SPECC1L: variants seen among roughly 807,000 people sequenced by gnomAD.
SPECC1L encodes cytospin-A.
In SPECC1L, 40 loss-of-function variants were observed where a neutral mutation model predicts 116.8. That is an observed-to-expected ratio of 0.34 (90% CI 0.27 to 0.45). The LOEUF (loss-of-function observed/expected upper bound fraction) is 0.45, where lower values mean the gene tolerates loss of function less well. Among genes scored for constraint, SPECC1L ranks in the 20% least tolerant of loss-of-function variants. The probability of loss-of-function intolerance (pLI) is 1.00; values close to 1 mark genes in which losing one functional copy is unlikely to be tolerated. For missense variants in SPECC1L, 1,110 were observed against 1,373.6 expected (o/e 0.81, Z 3.03); for synonymous variants, 504 against 500.6 (o/e 1.01, Z -0.09).
chr22:24,389,512 T>G (rs1428971905), intron 14 of SPECC1L, among the ~76,000 whole-genome samples: 1 of 151,542 alleles, frequency 6.6e-6, no homozygotes, highest in African/African-American at 2.4e-5. Context: ...TTGTGGGGGC[T>G]TTCGGGTTTT....
At chr22:24,381,260 AT>A (rs1233836253) in intron 14 of SPECC1L, among the ~76,000 whole-genome samples, 2 of 152,184 alleles carry the variant, frequency 1.3e-5, no homozygotes, top group African/African-American at 4.8e-5. Flanking sequence ...TGAATGAAAA[AT>A]CTCAATGTTT....
chr22:24,275,210 CAGAA>C (rs1398006371), intron 1 of SPECC1L, among the ~76,000 whole-genome samples: 3 of 152,258 alleles, frequency 2.0e-5, no homozygotes, highest in African/African-American at 7.2e-5. Context: ...TGTGGCTTGA[CAGAA>C]AGTTGTTGAC....
chr22:24,306,392 T>TTTTTTTTTTTTTTTTTTTTTTTTTG (rs2049497836), intron 3 of SPECC1L, among the ~76,000 whole-genome samples: 1 of 152,096 alleles, frequency 6.6e-6, no homozygotes, highest in African/African-American at 2.4e-5. Flanking sequence ...TTAATTTTTT[T>TTTTTTTTTTTTTTTTTTTTTTTTTG]AAGAGATGGA....
intron 2 of SPECC1L, among the ~76,000 whole-genome samples, chr22:24,299,858 A>G (rs1044328384): frequency 2.6e-5 from 4 of 151,822 alleles, no homozygotes; most frequent in Admixed American, 2.6e-4. Context: ...ACAAAAAGAA[A>G]CCCTGTATCC....
At chr22:24,357,866 C>G (rs75428147) in intron 11 of SPECC1L, among the ~76,000 whole-genome samples, 3,705 of 152,290 alleles carry the variant, frequency 0.024, 51 homozygotes, top group Middle Eastern at 0.037. Flanking sequence ...TACCCTCTTA[C>G]AATGCTTTCA....
At chr22:24,398,643 G>C (rs1248171366) in intron 14 of SPECC1L, among the ~76,000 whole-genome samples, 2 of 152,154 alleles carry the variant, frequency 1.3e-5, no homozygotes, top group Non-Finnish European at 2.9e-5. Flanking sequence ...GTCATGGCTG[G>C]TGACACCACT....
At chr22:24,375,905 A>G (rs1001089316) in intron 14 of SPECC1L, among the ~76,000 whole-genome samples, 1 of 152,076 alleles carries the variant, frequency 6.6e-6, no homozygotes, top group Non-Finnish European at 1.5e-5. Context: ...AGCTGATAAC[A>G]CACCACTGCA....
At chr22:24,367,383 G>T (rs1460949122) in intron 13 of SPECC1L, among the ~76,000 whole-genome samples, 1 of 152,004 alleles carries the variant, frequency 6.6e-6, no homozygotes. Context: ...TTTGAATGCG[G>T]CCCAACACAA....
Position 24,322,493 on chromosome 22 carries a change from G to T in SPECC1L, c.1513G>T (p.Glu505Ter). The T allele has an allele frequency of 1.2e-6, 2 of 1,614,110 alleles. No homozygotes were observed. The highest frequency in any genetic ancestry group is 1.1e-5 in the South Asian group (1 of 91,024). Reference protein sequence around the residue: ...YMDLAENARFEREQLLGVQQH... With the variant: ...YMDLAENARF ...GGACCTCGCTGAGAATGCCCGTTTTGAACGGGAGCAGCTTCTTGGTGTCCA... is the reference window on the plus strand; with the variant it reads ...GGACCTCGCTGAGAATGCCCGTTTTTAACGGGAGCAGCTTCTTGGTGTCCA... Residue 505 changes from glutamate (E) to a stop codon, truncating the protein, a stop_gained, in exon 5 of 17, where the codon GAA becomes TAA. Transcript: ENST00000314328. LOFTEE classifies it high-confidence loss of function.
chr22:24,281,799 G>T (rs1218858316), intron 2 of SPECC1L, among the ~76,000 whole-genome samples: 1 of 152,104 alleles, frequency 6.6e-6, no homozygotes, highest in Non-Finnish European at 1.5e-5. Context: ...TACTGCACTG[G>T]CTAGAACTTC....
At chr22:24,292,098 G>C (rs1391119956) in intron 2 of SPECC1L, among the ~76,000 whole-genome samples, 1 of 152,124 alleles carries the variant, frequency 6.6e-6, no homozygotes, top group African/African-American at 2.4e-5. Flanking sequence ...TGCCAAGAGG[G>C]GTTCCCGTCC....
chr22:24,290,263 T>A (rs756451077), intron 2 of SPECC1L, among the ~76,000 whole-genome samples: 13 of 152,186 alleles, frequency 8.5e-5, no homozygotes, highest in Non-Finnish European at 1.9e-4. Context: ...TGAGGCTGTT[T>A]AAGGGGGAGT....
At chr22:24,273,330 A>G (rs903679352) in intron 1 of SPECC1L, among the ~76,000 whole-genome samples, 10 of 152,248 alleles carry the variant, frequency 6.6e-5, no homozygotes, top group Non-Finnish European at 1.2e-4. Flanking sequence ...GAACAGAAAT[A>G]AGAAAAAAAG....
intron 2 of SPECC1L, among the ~76,000 whole-genome samples, chr22:24,297,500 T>A (rs1469703833): frequency 6.6e-6 from 1 of 152,168 alleles, no homozygotes; most frequent in Non-Finnish European, 1.5e-5. Flanking sequence ...GAGAGCGAGA[T>A]GTTTATATAT....
At chr22:24,343,050 C>T (rs2041211696) in intron 10 of SPECC1L, among the ~76,000 whole-genome samples, 1 of 151,994 alleles carries the variant, frequency 6.6e-6, no homozygotes, top group South Asian at 2.1e-4. Context: ...AAAAATTAGA[C>T]AGGCATGGTG....
At chr22:24,330,180 A>G (rs2040911217) in intron 7 of SPECC1L, 76 bp from the exon 8 acceptor site, 1 of 1,493,020 alleles carries the variant, frequency 6.7e-7, no homozygotes. Flanking sequence ...CAATCCAATC[A>G]TAAACAAATT....
At chr22:24,388,602 G>A (rs2042207046) in intron 14 of SPECC1L, among the ~76,000 whole-genome samples, 1 of 152,134 alleles carries the variant, frequency 6.6e-6, no homozygotes, top group Admixed American at 6.6e-5. Context: ...TATATATCCA[G>A]TAATGGGATG....
At chr22:24,410,455 C>T (rs1323204097) in intron 14 of SPECC1L, among the ~76,000 whole-genome samples, 2 of 152,214 alleles carry the variant, frequency 1.3e-5, no homozygotes, top group Non-Finnish European at 2.9e-5. Context: ...GCTTCTTTCT[C>T]CCTGGCAGAG....
At chr22:24,315,341 G>A (rs2040539213) in intron 4 of SPECC1L, among the ~76,000 whole-genome samples, 1 of 152,266 alleles carries the variant, frequency 6.6e-6, no homozygotes, top group Non-Finnish European at 1.5e-5. Flanking sequence ...CTCACCTGTA[G>A]TCCTGTGAGA....
Sources: allele counts gnomAD v4.1 joint callset (sites outside exome capture counted in the v4.1 genomes callset), GRCh38; gene constraint gnomAD v4.1.1; transcripts MANE v1.5; gene names NCBI Gene and HGNC (gene_info 2026-07-23, HGNC 2026-07-21).